KAZN: variants seen among roughly 807,000 people sequenced by gnomAD.
KAZN encodes the protein kazrin.
A neutral mutation model predicts 87.4 loss-of-function variants in KAZN; 40 were observed. The ratio of observed to expected loss-of-function variants is 0.46; its 90% CI spans 0.36 to 0.60. The LOEUF is 0.60. KAZN is among the 20% of genes least tolerant of loss of function. KAZN has a pLI of 0.00. For missense variants in KAZN, 898 were observed against 1,073.9 expected, an observed-to-expected ratio of 0.84 and a Z score of 2.29; for synonymous variants, 466 against 458.3, an observed-to-expected ratio of 1.02 and a Z score of -0.22.
intron 1 of KAZN, among the ~76,000 whole-genome samples, chr1:14,622,287 G>T (rs1678756534): frequency 6.6e-6 from 1 of 152,106 alleles, no homozygotes; most frequent in Non-Finnish European, 1.5e-5. Context: ...GGAAAGTATG[G>T]GTTTGCTTAA....
intron 1 of KAZN, among the ~76,000 whole-genome samples, chr1:14,843,574 G>A (rs547190871): frequency 9.9e-4 from 151 of 152,352 alleles, no homozygotes; most frequent in Non-Finnish European, 1.9e-3. Context: ...GGGTGGAAGA[G>A]CCTTTGGGGC....
intron 6 of KAZN, chr1:15,060,586 G>T (rs2100526886): frequency 2.3e-6 from 1 of 441,810 alleles, no homozygotes; most frequent in Non-Finnish European, 4.2e-6. Context: ...GCCCCAGTGG[G>T]CCCTGTCTGG....
intron 1 of KAZN, among the ~76,000 whole-genome samples, chr1:13,969,808 A>C (rs1055191146): frequency 6.6e-6 from 1 of 152,176 alleles, no homozygotes; most frequent in Admixed American, 6.5e-5. Flanking sequence ...AATTATTTTC[A>C]GGTAGGCTCC....
chr1:13,968,007 T>A (rs1452866663), intron 1 of KAZN, among the ~76,000 whole-genome samples: 1 of 152,154 alleles, frequency 6.6e-6, no homozygotes, highest in East Asian at 1.9e-4. Flanking sequence ...TCCCTTGGTC[T>A]CTAGGGGCCT....
At chr1:14,838,148 A>G (rs1007900145) in intron 1 of KAZN, among the ~76,000 whole-genome samples, 1 of 152,160 alleles carries the variant, frequency 6.6e-6, no homozygotes, top group Non-Finnish European at 1.5e-5. Flanking sequence ...GAGGGGACCA[A>G]TGCTGCACCC....
intron 2 of KAZN, among the ~76,000 whole-genome samples, chr1:14,491,801 T>C (rs1669664641): frequency 6.6e-6 from 1 of 152,194 alleles, no homozygotes; most frequent in Non-Finnish European, 1.5e-5. Flanking sequence ...AATAATGCTT[T>C]TCCCCCTTCT....
At chr1:14,911,053 C>T (rs889050826) in intron 1 of KAZN, among the ~76,000 whole-genome samples, 1 of 152,136 alleles carries the variant, frequency 6.6e-6, no homozygotes, top group Non-Finnish European at 1.5e-5. Context: ...TCTGAGGCAC[C>T]GTGAACAAGC....
intron 2 of KAZN, among the ~76,000 whole-genome samples, chr1:14,322,260 TAATA>T (rs1032068735): frequency 1.7e-4 from 25 of 150,704 alleles, no homozygotes; most frequent in South Asian, 2.1e-4. Flanking sequence ...ACCCTATCTG[TAATA>T]AATAAATAAA....
intron 1 of KAZN, among the ~76,000 whole-genome samples, chr1:13,899,522 T>C (rs922002548): frequency 5.3e-5 from 8 of 152,202 alleles, no homozygotes; most frequent in Non-Finnish European, 1.5e-5. Flanking sequence ...GTGGAATCTG[T>C]TAACACTGGG....
intron 1 of KAZN, among the ~76,000 whole-genome samples, chr1:14,921,791 A>G (rs1370965250): frequency 6.6e-6 from 1 of 152,206 alleles, no homozygotes; most frequent in Non-Finnish European, 1.5e-5. Context: ...GGCTATCTGC[A>G]GCCTCCCCCT....
rs533787729 is a variant in KAZN, at chr1:14,857,057, G to A, written c.227-103627G>A. On this transcript the variant is annotated intron_variant, in intron 1 of 14. Transcript: ENST00000376030. ...CAGGGGAGAGAAGGAAGCCAACCAC[G>A]CGTGAAGGTGGAGAGCACAGGAATC... 1.6e-4 allele frequency among the ~76,000 whole-genome samples: 24 copies of A among 152,290 alleles called. No homozygotes were observed. In the East Asian group the frequency reaches 3.5e-3, roughly 22 times the overall value.
At chr1:14,445,139 C>T (rs1292532542) in intron 2 of KAZN, among the ~76,000 whole-genome samples, 1 of 152,014 alleles carries the variant, frequency 6.6e-6, no homozygotes, top group East Asian at 1.9e-4. Flanking sequence ...TATTCTTCTG[C>T]CTCAGCCTCC....
In KAZN at chr1:14,522,028, G is replaced by A. The variant is rs1217122487; in HGVS notation, c.250-76955G>A. ...TGTTAGGGAATGTACATTGAGCTCTGTTATTCCTAATCTTTTACACAGGCC... is the reference window on the plus strand; with the variant it reads ...TGTTAGGGAATGTACATTGAGCTCTATTATTCCTAATCTTTTACACAGGCC... On this transcript the variant is annotated intron_variant, in intron 2 of 16. Coordinates refer to the KAZN transcript ENST00000636203. 2.6e-5 allele frequency among the ~76,000 whole-genome samples: 4 copies of A among 152,112 alleles called. 1 individual carries two copies. In the South Asian group the frequency reaches 6.2e-4, roughly 24 times the overall value.
At chr1:14,041,934 G>A (rs990217963) in intron 1 of KAZN, among the ~76,000 whole-genome samples, 15 of 152,066 alleles carry the variant, frequency 9.9e-5, no homozygotes, top group Admixed American at 6.5e-4. Flanking sequence ...GTCCAGTTCC[G>A]TACTGTTACC....
rs192131726 is a variant in KAZN, at chr1:14,722,203, C to T, written c.226+122980C>T. On this transcript the variant is annotated intron_variant, in intron 1 of 14. Coordinates refer to ENST00000376030, the MANE Select transcript of KAZN (RefSeq NM_201628.3). ...AATGGTGAGGATTGATCCACATGGA[C>T]ATGGAGAGATGACCAGGAAACAGTT... Among the ~76,000 whole-genome samples, 4 of 151,868 alleles carry T rather than the reference C, an allele frequency of 2.6e-5. No homozygotes were observed. In the East Asian group the frequency reaches 7.8e-4, roughly 29 times the overall value.
chr1:14,624,787 C>T (rs1319754491), intron 1 of KAZN, among the ~76,000 whole-genome samples: 1 of 152,140 alleles, frequency 6.6e-6, no homozygotes, highest in Non-Finnish European at 1.5e-5. Context: ...AATGTTGGAG[C>T]TTACAGTTTT....
chr1:14,429,330 G>A (rs961090952), intron 2 of KAZN, among the ~76,000 whole-genome samples: 2 of 152,184 alleles, frequency 1.3e-5, no homozygotes, highest in Admixed American at 1.3e-4. Context: ...ACACACCGTG[G>A]CTAAGTTCTC....
chr1:14,860,595 G>C (rs1042633758), intron 1 of KAZN, among the ~76,000 whole-genome samples: 1 of 152,198 alleles, frequency 6.6e-6, no homozygotes, highest in African/African-American at 2.4e-5. Flanking sequence ...TTTTCTTTGT[G>C]ATCCAGTCTG....
intron 1 of KAZN, among the ~76,000 whole-genome samples, chr1:14,025,950 G>A (rs1319702365): frequency 6.6e-6 from 1 of 152,134 alleles, no homozygotes; most frequent in Non-Finnish European, 1.5e-5. Flanking sequence ...TATAGTATGA[G>A]AGGAGTGGTC....
Sources: gnomAD v4.1 joint callset for allele counts (sites outside exome capture counted in the v4.1 genomes callset) on GRCh38, gnomAD v4.1.1 for gene constraint, MANE v1.5 for transcripts, NCBI Gene and HGNC (gene_info 2026-07-23, HGNC 2026-07-21) for gene names.